Variants in PCDH15 observed in about 807,000 individuals in gnomAD.
PCDH15 encodes the protein protocadherin related 15.
A neutral mutation model predicts 178.5 loss-of-function variants in PCDH15; 129 were observed. That is an observed-to-expected ratio of 0.72 (90% CI 0.63 to 0.84). PCDH15 has a LOEUF of 0.84. Among genes scored for constraint, PCDH15 ranks in the 40% least tolerant of loss-of-function variants. The pLI, the probability that PCDH15 is intolerant of heterozygous loss-of-function variation, is 0.00. For missense variants in PCDH15, 2,230 were observed against 2,099.9 expected (o/e 1.06, Z -1.21); for synonymous variants, 800 against 732.0 (o/e 1.09, Z -1.50).
chr10:54,722,924 G>T (rs1941878397), intron 1 of PCDH15, among the ~76,000 whole-genome samples: 1 of 151,678 alleles, frequency 6.6e-6, no homozygotes, highest in Non-Finnish European at 1.5e-5. Context: ...ACCATCCTAT[G>T]CTCATGGATT....
At position 54,040,411 on chromosome 10, in the gene PCDH15, C is replaced by T. The variant is rs150049239; in HGVS notation, c.2221-17214G>A. On this transcript the variant is annotated intron_variant, in intron 18 of 37. Coordinates refer to ENST00000644397, the MANE Select transcript of PCDH15 (RefSeq NM_001384140.1). ...CTCTCTTGCCTGCTGCCATGTAAGACGTGCCTTTTACTTTCTGCCATGATT... is the reference window on the plus strand; with the variant it reads ...CTCTCTTGCCTGCTGCCATGTAAGATGTGCCTTTTACTTTCTGCCATGATT... 6.3e-3 allele frequency among the ~76,000 whole-genome samples: 965 copies of T among 152,008 alleles called. 5 individuals are homozygous for T. The highest frequency in any genetic ancestry group is 0.021 in the African/African-American group (883 of 41,470).
chr10:54,515,710 C>G (rs188192407), intron 3 of PCDH15, among the ~76,000 whole-genome samples: 14 of 152,336 alleles, frequency 9.2e-5, no homozygotes, highest in Non-Finnish European at 2.1e-4. Flanking sequence ...CTGCGAGCAG[C>G]CTAACTGGGA....
At chr10:54,845,675 G>A (rs1953497179) in intron 3 of PCDH15, among the ~76,000 whole-genome samples, 1 of 152,012 alleles carries the variant, frequency 6.6e-6, no homozygotes, top group African/African-American at 2.4e-5. Context: ...ACAGAGAAAG[G>A]CTCTTGCTGT....
chr10:54,724,922 ATATAG>A, intron 1 of PCDH15, among the ~76,000 whole-genome samples: 1 of 150,494 alleles, frequency 6.6e-6, no homozygotes, highest in Non-Finnish European at 1.5e-5. Flanking sequence ...ATAGATATAG[ATATAG>A]ATATATAAAT....
intron 13 of PCDH15, among the ~76,000 whole-genome samples, chr10:54,175,017 T>A (rs1049873145): frequency 6.6e-6 from 1 of 152,126 alleles, no homozygotes; most frequent in Non-Finnish European, 1.5e-5. Context: ...TAGAAAAAAA[T>A]AAAATGCTTC....
intron 3 of PCDH15, among the ~76,000 whole-genome samples, chr10:54,865,531 A>G (rs2131786449): frequency 6.6e-6 from 1 of 152,194 alleles, no homozygotes; most frequent in African/African-American, 2.4e-5. Context: ...AAGTATTCTT[A>G]ATAAACTCCC....
intron 8 of PCDH15, among the ~76,000 whole-genome samples, chr10:54,269,056 A>C (rs1410197258): frequency 6.6e-6 from 1 of 151,920 alleles, no homozygotes; most frequent in Non-Finnish European, 1.5e-5. Flanking sequence ...TTCTTATACA[A>C]GCAATTATGG....
chr10:54,447,286 G>A (rs1027875808), intron 3 of PCDH15, among the ~76,000 whole-genome samples: 1 of 151,566 alleles, frequency 6.6e-6, no homozygotes, highest in African/African-American at 2.4e-5. Flanking sequence ...AAATATAAAT[G>A]TATTGTTATT....
intron 35 of PCDH15, 135 bp from the exon 36 acceptor site, chr10:53,811,754 T>C: frequency 2.0e-6 from 1 of 487,906 alleles, no homozygotes; most frequent in East Asian, 3.5e-5. Flanking sequence ...CAAGTGTCAG[T>C]TAAAGCAATT....
At chr10:53,840,253 C>G in intron 29 of PCDH15, 67 bp downstream of exon 29, 2 of 1,538,300 alleles carry the variant, frequency 1.3e-6, no homozygotes, top group South Asian at 2.2e-5. Context: ...CTTATAGCCT[C>G]AAGTCAGAAT....
rs780742891 is a variant in PCDH15 at position 54,779,436 on chromosome 10, GTA to G, written c.-29+21487_-29+21488del. On this transcript the variant is annotated intron_variant, in intron 1 of 37. Transcript: ENST00000644397. ...TATATATATATACACACACATATGT[GTA>G]TATATATATACACTCATATATGTGT... Among the ~76,000 whole-genome samples, 125 of 82,310 alleles carry G rather than the reference GTA, an allele frequency of 1.5e-3. 2 individuals carry two copies. The highest frequency in any genetic ancestry group is 5.2e-3 in the African/African-American group (109 of 20,864). The allele number at this position is 82,310 out of a possible 152,430, so 54.0% of individuals were successfully genotyped here. A position where few individuals can be genotyped will look rare whatever the true frequency, so the allele number is the denominator to read the frequency against.
intron 1 of PCDH15, among the ~76,000 whole-genome samples, chr10:55,270,007 G>A (rs922404931): frequency 6.6e-6 from 1 of 151,958 alleles, no homozygotes; most frequent in African/African-American, 2.4e-5. Flanking sequence ...TCTTTCACAA[G>A]CCTGACAAAA....
At chr10:54,355,145 AAT>A (rs57563580) in intron 5 of PCDH15, among the ~76,000 whole-genome samples, 223 of 141,188 alleles carry the variant, frequency 1.6e-3, no homozygotes, top group African/African-American at 5.4e-3. Flanking sequence ...AAAAAAAAAA[AAT>A]GGCTAAAACC....
intron 3 of PCDH15, among the ~76,000 whole-genome samples, chr10:54,444,191 T>G (rs1251888673): frequency 6.6e-6 from 1 of 151,702 alleles, no homozygotes; most frequent in Non-Finnish European, 1.5e-5. Context: ...AATCTTGCTG[T>G]AAAAACAAAA....
intron 15 of PCDH15, among the ~76,000 whole-genome samples, chr10:54,114,282 T>G (rs1335324599): frequency 6.6e-6 from 1 of 152,216 alleles, no homozygotes; most frequent in Non-Finnish European, 1.5e-5. Context: ...CACTAAGTCC[T>G]CATTACAGAG....
chr10:54,040,714 G>A (rs1354443727), intron 18 of PCDH15, among the ~76,000 whole-genome samples: 5 of 151,932 alleles, frequency 3.3e-5, no homozygotes, highest in Non-Finnish European at 7.4e-5. Flanking sequence ...CTGTCAGTGT[G>A]CACCATACAT....
At chr10:54,708,282 G>A (rs753037813) in intron 1 of PCDH15, among the ~76,000 whole-genome samples, 3 of 152,082 alleles carry the variant, frequency 2.0e-5, no homozygotes, top group South Asian at 2.1e-4. Context: ...GCAACATTGC[G>A]GATGGTGAAT....
At chr10:54,952,507 A>T (rs1315818024) in intron 2 of PCDH15, among the ~76,000 whole-genome samples, 6 of 151,700 alleles carry the variant, frequency 4.0e-5, no homozygotes, top group African/African-American at 2.4e-5. Context: ...TCTCCATATA[A>T]ATTTTCAAAT....
At chr10:55,356,449 T>TA (rs1256111855) in intron 2 of PCDH15, among the ~76,000 whole-genome samples, 1 of 151,858 alleles carries the variant, frequency 6.6e-6, no homozygotes, top group Non-Finnish European at 1.5e-5. Context: ...AGGATGGACA[T>TA]AAAAAACATG....
Sources: gnomAD v4.1 joint callset for allele counts (sites outside exome capture counted in the v4.1 genomes callset) on GRCh38, gnomAD v4.1.1 for gene constraint, MANE v1.5 for transcripts, NCBI Gene and HGNC (gene_info 2026-07-23, HGNC 2026-07-21) for gene names.